Variants in CACNA1B observed in about 807,000 individuals in gnomAD.
CACNA1B encodes the protein voltage-dependent N-type calcium channel subunit alpha-1B.
Under a neutral mutation model 247.2 loss-of-function variants are expected in CACNA1B, and 70 were observed. The observed-to-expected ratio is 0.28, with a 90% CI of 0.23 to 0.35. CACNA1B has a LOEUF of 0.35. Among genes scored for constraint, CACNA1B ranks in the 10% least tolerant of loss-of-function variants. CACNA1B has a pLI of 1.00. For synonymous variants in CACNA1B, 1,231 were observed against 1,294.4 expected, an observed-to-expected ratio of 0.95 and a Z score of 1.05; for missense variants, 2,367 against 3,197.4, an observed-to-expected ratio of 0.74 and a Z score of 6.26.
Position 138,020,344 on chromosome 9 carries a change from C to T in CACNA1B, c.2268-2667C>T, listed in dbSNP as rs1958829095. On this transcript the variant is annotated intron_variant, in intron 18 of 46. Transcript: ENST00000371372. The surrounding 1 kb of genome is among the most constrained non-coding windows in gnomAD (Gnocchi z 4.1). ...GAGGCCAGGACACAGGGGTGCCAGT[C>T]GTCCATGTGACTTCCTTAAAGAACC... 6.6e-6 allele frequency among the ~76,000 whole-genome samples: 1 copy of T among 152,158 alleles called. No homozygotes were observed. Among genetic ancestry groups the T allele is most frequent in the Admixed American group, 6.5e-5 (1 of 15,272 alleles).
At chr9:137,944,342 C>T (rs1158350447) in intron 6 of CACNA1B, among the ~76,000 whole-genome samples, 1 of 152,154 alleles carries the variant, frequency 6.6e-6, no homozygotes, top group East Asian at 1.9e-4. Flanking sequence ...CTTTCTTGCC[C>T]AGTGTAACTT....
chr9:137,930,751 T>C (rs993260397), intron 6 of CACNA1B, among the ~76,000 whole-genome samples: 4 of 152,214 alleles, frequency 2.6e-5, no homozygotes, highest in African/African-American at 7.2e-5. Context: ...TCTGTATCAC[T>C]TATTTTGCAG....
chr9:138,020,462 A>G lies in CACNA1B; in HGVS notation c.2268-2549A>G, dbSNP rs1353533023. ...TGCCAGATAGAGCAAGGACAGAGACAGGGGCCAGGGGAGGTGCAGGCTGAC... is the reference window on the plus strand; with the variant it reads ...TGCCAGATAGAGCAAGGACAGAGACGGGGGCCAGGGGAGGTGCAGGCTGAC... On this transcript the variant is annotated intron_variant, in intron 18 of 46. Transcript: ENST00000371372. The surrounding 1 kb of genome is among the most constrained non-coding windows in gnomAD (Gnocchi z 4.1). Among the ~76,000 whole-genome samples, 1 of 152,246 alleles carries G rather than the reference A, an allele frequency of 6.6e-6. No homozygotes were observed. The highest frequency in any genetic ancestry group is 1.9e-4 in the East Asian group (1 of 5,202).
intron 36 of CACNA1B, among the ~76,000 whole-genome samples, chr9:138,082,683 C>A (rs1479755171): frequency 6.6e-6 from 1 of 151,314 alleles, no homozygotes; most frequent in Non-Finnish European, 1.5e-5. Flanking sequence ...TAAAGAACTT[C>A]TACAACTCAA....
chr9:137,915,829 A>G (rs1228626105), intron 5 of CACNA1B, among the ~76,000 whole-genome samples: 2 of 151,930 alleles, frequency 1.3e-5, no homozygotes, highest in African/African-American at 4.8e-5. Context: ...AGTTAAAAAA[A>G]AAAAAAAAGA....
At chr9:138,118,826 G>T (rs1313154146) in intron 44 of CACNA1B, 58 bp downstream of exon 44, 1 of 766,402 alleles carries the variant, frequency 1.3e-6, no homozygotes, top group Non-Finnish European at 2.2e-6. Context: ...TGGGGAAGTG[G>T]GGCTGTGGCT....
chr9:137,921,186 C>G (rs1323862122), intron 6 of CACNA1B, among the ~76,000 whole-genome samples: 2 of 152,190 alleles, frequency 1.3e-5, no homozygotes, highest in South Asian at 2.1e-4. Context: ...ACTCAGAGGT[C>G]CAGTAGGAAA....
intron 6 of CACNA1B, among the ~76,000 whole-genome samples, chr9:137,939,614 A>G (rs1209985287): frequency 6.6e-6 from 1 of 151,824 alleles, no homozygotes; most frequent in Non-Finnish European, 1.5e-5. Flanking sequence ...CCTGGATAAC[A>G]TGGTGAAACC....
At chr9:137,924,115 G>A (rs927439127) in intron 6 of CACNA1B, among the ~76,000 whole-genome samples, 8 of 151,970 alleles carry the variant, frequency 5.3e-5, no homozygotes, top group Non-Finnish European at 1.2e-4. Context: ...AAATTTGATC[G>A]AGTCCAGTTT....
At chr9:138,003,030 C>G (rs991327697) in intron 15 of CACNA1B, among the ~76,000 whole-genome samples, 1 of 151,186 alleles carries the variant, frequency 6.6e-6, no homozygotes, top group Non-Finnish European at 1.5e-5. Flanking sequence ...AACTCCTGAC[C>G]TTGTGATCCG....
At position 137,975,907 on chromosome 9, in the gene CACNA1B, A is replaced by G. The variant is rs1958214532; in HGVS notation, c.1544A>G (p.Tyr515Cys). 4 of 1,600,398 alleles carry G rather than the reference A, an allele frequency of 2.5e-6. No homozygotes were observed. Among genetic ancestry groups the G allele is most frequent in the South Asian group, 2.2e-5 (2 of 90,622 alleles). Residue 515 changes from tyrosine to cysteine, a missense_variant and splice_region_variant, in exon 12 of 47, where the codon TAT (tyrosine) becomes TGT (cysteine). By Grantham distance (194) the Tyr-to-Cys change is radical (BLOSUM62 -2). This residue lies in a region of CACNA1B where 219 missense variants were observed against 297.6 expected (regional missense o/e 0.74). Coordinates refer to ENST00000371372, the MANE Select transcript of CACNA1B (RefSeq NM_000718.4). ...CCCCCTCTTCTCCGGCTTCTCCTAG[A>G]TTTTGCAGAGTTTGTTTTCCTGGGT... The part of the protein sequence containing the change: ...NQPRRLTTTL[Y>C]FAEFVFLGLF...
At chr9:137,953,653 C>T (rs1395597572) in intron 7 of CACNA1B, among the ~76,000 whole-genome samples, 1 of 152,150 alleles carries the variant, frequency 6.6e-6, no homozygotes, top group Non-Finnish European at 1.5e-5. Context: ...AGGGACATCT[C>T]AGCTGAGACC....
chr9:137,929,165 T>C (rs1957582759), intron 6 of CACNA1B, among the ~76,000 whole-genome samples: 1 of 152,206 alleles, frequency 6.6e-6, no homozygotes, highest in African/African-American at 2.4e-5. Flanking sequence ...CCAAACTGTT[T>C]TCCATAGTGG....
In CACNA1B at chr9:138,122,088, G is replaced by C; in HGVS notation, c.*89G>C. On this transcript the variant is annotated 3_prime_UTR_variant, in exon 47 of 47. Transcript: ENST00000371372. ...CATCCACACGGGGCAGCCGGCCCTC[G>C]GGGGAGGCCTTGCCCACCTTGGTGA... 1 of 1,253,944 alleles carries C rather than the reference G, an allele frequency of 8.0e-7. No individual in the cohort carries two copies. Among genetic ancestry groups the C allele is most frequent in the South Asian group, 1.5e-5 (1 of 66,884 alleles). The allele number at this position is 1,253,944 out of a possible 1,614,324, so 77.7% of individuals were successfully genotyped here.
chr9:137,916,160 G>T (rs1957408670), intron 5 of CACNA1B, among the ~76,000 whole-genome samples: 1 of 151,440 alleles, frequency 6.6e-6, no homozygotes, highest in Non-Finnish European at 1.5e-5. Flanking sequence ...AGCCTCCCGA[G>T]TAGCTGGGAT....
In CACNA1B at chr9:137,986,901, C is replaced by T. The variant is rs199752519; in HGVS notation, c.1974+47C>T. ...TTTGCGGCCTGCCCGGCTCCCGTCT[C>T]CCCTGGGTGCTGGGAAGGCGGACTC... On this transcript the variant is annotated intron_variant, in intron 15 of 46. Transcript: ENST00000371372. The surrounding 1 kb of genome is among the most constrained non-coding windows in gnomAD (Gnocchi z 6.0). The T allele has an allele frequency of 8.6e-6, 12 of 1,402,106 alleles. No individual in the cohort carries two copies. The South Asian group carries it at 1.3e-4, about 15-fold the overall frequency. 86.9% of individuals were successfully genotyped at this position (1,402,106 alleles called of 1,614,324 possible). A position where few individuals can be genotyped will look rare whatever the true frequency, so the allele number is the denominator to read the frequency against.
At chr9:137,904,317 T>C (rs1375773458) in intron 3 of CACNA1B, among the ~76,000 whole-genome samples, 2 of 148,224 alleles carry the variant, frequency 1.3e-5, no homozygotes, top group Non-Finnish European at 3.0e-5. Flanking sequence ...TTTCAAAATA[T>C]GTATATATAT....
At chr9:138,024,303 C>A (rs551320141) in intron 19 of CACNA1B, among the ~76,000 whole-genome samples, 1 of 152,234 alleles carries the variant, frequency 6.6e-6, no homozygotes, top group African/African-American at 2.4e-5. Context: ...CAGCTTGCTC[C>A]CTGGGGCAGG....
chr9:138,000,263 T>C (rs1280409270), intron 15 of CACNA1B, among the ~76,000 whole-genome samples: 1 of 151,988 alleles, frequency 6.6e-6, no homozygotes, highest in Non-Finnish European at 1.5e-5. Context: ...TACGCCCGGC[T>C]AATTTTTTGT....
Sources: allele counts gnomAD v4.1 joint callset (sites outside exome capture counted in the v4.1 genomes callset), GRCh38; gene constraint gnomAD v4.1.1; regional missense constraint gnomAD v4.1.1; non-coding constraint Gnocchi (gnomAD v3.1); transcripts MANE v1.5; gene names NCBI Gene and HGNC (gene_info 2026-07-23, HGNC 2026-07-21).